Variants in EPM2A observed in about 807,000 individuals in gnomAD.
EPM2A encodes the protein EPM2A glucan phosphatase, laforin.
EPM2A carries 21 observed loss-of-function variants against 26.5 expected under a neutral mutation model. The observed-to-expected ratio is 0.79, with a 90% CI of 0.56 to 1.14. EPM2A has a LOEUF of 1.14. EPM2A is among the 50% of genes most tolerant of loss of function. The pLI is 0.00. For missense variants in EPM2A, 458 were observed against 440.8 expected, an observed-to-expected ratio of 1.04 and a Z score of -0.35; for synonymous variants, 217 against 177.6, an observed-to-expected ratio of 1.22 and a Z score of -1.76.
chr6:145,403,232 A>G (rs953780734), intron 4 of EPM2A, among the ~76,000 whole-genome samples: 4 of 152,070 alleles, frequency 2.6e-5, no homozygotes, highest in African/African-American at 9.7e-5. Context: ...TTATCCTTTG[A>G]GTTACAAACA....
intron 2 of EPM2A, among the ~76,000 whole-genome samples, chr6:145,552,866 G>T (rs1780674208): frequency 6.6e-6 from 1 of 151,974 alleles, no homozygotes; most frequent in Admixed American, 6.6e-5. Context: ...TTATCTGATT[G>T]GTTATTAAAG....
intron 3 of EPM2A, chr6:145,634,433 TC>T (rs1776499394): frequency 6.6e-6 from 1 of 152,526 alleles, no homozygotes; most frequent in Non-Finnish European, 1.5e-5. Flanking sequence ...TCACGCAGCC[TC>T]CCTTTGTCGC....
chr6:145,705,366 G>A (rs1249370577), intron 1 of EPM2A, among the ~76,000 whole-genome samples: 2 of 152,110 alleles, frequency 1.3e-5, no homozygotes, highest in Non-Finnish European at 2.9e-5. Flanking sequence ...TATAGAGATA[G>A]ATAGATATAC....
Position 145,478,638 on chromosome 6 carries a change from C to T in EPM2A, c.555+23884G>A, listed in dbSNP as rs1479322949. On this transcript the variant is annotated intron_variant, in intron 4 of 4. Transcript: ENST00000638717. ...AAGATGGATTCTGTTTCTCTTCTAACATAAGCATCTGTAGCTATACATTTC... is the reference window on the plus strand; with the variant it reads ...AAGATGGATTCTGTTTCTCTTCTAATATAAGCATCTGTAGCTATACATTTC... Among the ~76,000 whole-genome samples the T allele has an allele frequency of 3.3e-5, 5 of 151,746 alleles. No homozygotes were observed. The South Asian group carries it at 6.2e-4, about 19-fold the overall frequency.
At chr6:145,582,334 G>T (rs1343175038) in intron 2 of EPM2A, among the ~76,000 whole-genome samples, 3 of 151,976 alleles carry the variant, frequency 2.0e-5, no homozygotes, top group Non-Finnish European at 4.4e-5. Flanking sequence ...TTTTAAATTT[G>T]CTGAGAATTG....
intron 1 of EPM2A, among the ~76,000 whole-genome samples, chr6:145,698,620 AAAC>A (rs766193624): frequency 2.0e-5 from 3 of 152,120 alleles, no homozygotes; most frequent in Non-Finnish European, 2.9e-5. Flanking sequence ...GAAAAAAAAA[AAAC>A]AAGGTAAAAG....
At chr6:145,590,422 G>A (rs1781256848) in intron 2 of EPM2A, among the ~76,000 whole-genome samples, 1 of 147,598 alleles carries the variant, frequency 6.8e-6, no homozygotes, top group Non-Finnish European at 1.5e-5. Context: ...TCACTTAAAT[G>A]GAGGGCAAAA....
intron 2 of EPM2A, among the ~76,000 whole-genome samples, chr6:145,654,992 T>C (rs1778161676): frequency 6.6e-6 from 1 of 152,178 alleles, no homozygotes; most frequent in South Asian, 2.1e-4. Context: ...GTGTACATTA[T>C]TTACGATTGT....
At chr6:145,494,097 A>G (rs892322806) in intron 4 of EPM2A, among the ~76,000 whole-genome samples, 6 of 152,160 alleles carry the variant, frequency 3.9e-5, no homozygotes, top group African/African-American at 1.2e-4. Flanking sequence ...AATTCAGCTG[A>G]CAATCTGTCT....
chr6:145,408,204 T>G (rs925673029), intron 4 of EPM2A, among the ~76,000 whole-genome samples: 1 of 152,168 alleles, frequency 6.6e-6, no homozygotes, highest in Non-Finnish European at 1.5e-5. Flanking sequence ...CACTGCATTT[T>G]GAGTGAGGCA....
chr6:145,432,749 G>A (rs1172815405), intron 4 of EPM2A, among the ~76,000 whole-genome samples: 1 of 152,062 alleles, frequency 6.6e-6, no homozygotes, highest in Non-Finnish European at 1.5e-5. Context: ...TTTAAAGCCA[G>A]GCATTTTTCC....
intron 4 of EPM2A, among the ~76,000 whole-genome samples, chr6:145,457,421 T>G (rs1582770377): frequency 6.7e-6 from 1 of 150,322 alleles, no homozygotes. Context: ...GAGGCAGAGG[T>G]TGCAGTGAGC....
At position 145,447,330 on chromosome 6, in the gene EPM2A, T is replaced by C. The variant is rs572836872; in HGVS notation, c.555+55192A>G. On this transcript the variant is annotated intron_variant, in intron 4 of 4. Coordinates refer to the EPM2A transcript ENST00000638717. Reference sequence around the variant, plus strand: ...TTATTCTACTTCCCTACTTTGCAATTCTTATGAGCCAATAAGTTCTAGTTA... The same window carrying C: ...TTATTCTACTTCCCTACTTTGCAATCCTTATGAGCCAATAAGTTCTAGTTA... Among the ~76,000 whole-genome samples, 105 of 152,280 alleles carry C rather than the reference T, an allele frequency of 6.9e-4. 4 individuals are homozygous for C. In the South Asian group the frequency reaches 0.021, roughly 31 times the overall value.
chr6:145,608,730 A>G (rs1418241872), intron 2 of EPM2A, among the ~76,000 whole-genome samples: 1 of 152,208 alleles, frequency 6.6e-6, no homozygotes, highest in Non-Finnish European at 1.5e-5. Context: ...AGGAACAGCA[A>G]TGCAAGCATG....
intron 1 of EPM2A, among the ~76,000 whole-genome samples, chr6:145,728,780 A>G (rs774994443): frequency 6.6e-6 from 1 of 152,234 alleles, no homozygotes; most frequent in Non-Finnish European, 1.5e-5. Context: ...CCAGCTGTAG[A>G]AACTTGCATA....
At chr6:145,641,927 C>T (rs1562432959) in intron 2 of EPM2A, among the ~76,000 whole-genome samples, 2 of 152,140 alleles carry the variant, frequency 1.3e-5, no homozygotes, top group South Asian at 4.1e-4. Flanking sequence ...TCTTACATGA[C>T]TCTCAGAGAA....
intron 4 of EPM2A, among the ~76,000 whole-genome samples, chr6:145,426,157 A>G (rs553308729): frequency 7.4e-4 from 113 of 152,320 alleles, no homozygotes; most frequent in Middle Eastern, 3.4e-3. Flanking sequence ...CACTCTCAGA[A>G]AAGAACCAAT....
chr6:145,679,269 T>G (rs1780315425), intron 2 of EPM2A, among the ~76,000 whole-genome samples: 1 of 127,044 alleles, frequency 7.9e-6, no homozygotes, highest in Admixed American at 8.4e-5. Context: ...GGGGGTGGGG[T>G]ACTGGGGGCG....
At chr6:145,597,384 A>C (rs897730933) in intron 2 of EPM2A, among the ~76,000 whole-genome samples, 16 of 152,158 alleles carry the variant, frequency 1.1e-4, no homozygotes, top group Non-Finnish European at 1.5e-5. Flanking sequence ...TTCCCAATAG[A>C]AGATTGCTTC....
Sources: gnomAD v4.1 joint callset for allele counts (sites outside exome capture counted in the v4.1 genomes callset) on GRCh38, gnomAD v4.1.1 for gene constraint, MANE v1.5 for transcripts, NCBI Gene and HGNC (gene_info 2026-07-23, HGNC 2026-07-21) for gene names.